ESRRG: variants seen among roughly 807,000 people sequenced by gnomAD.
ESRRG encodes estrogen-related receptor gamma.
In ESRRG, 13 loss-of-function variants were observed where a neutral mutation model predicts 44.0. The observed-to-expected ratio is 0.30, with a 90% CI of 0.19 to 0.47. The LOEUF (loss-of-function observed/expected upper bound fraction) is 0.47, where lower values mean the gene tolerates loss of function less well. Ranked by LOEUF, ESRRG falls within the 20% of genes least tolerant of loss-of-function variation. The pLI, the probability that ESRRG is intolerant of heterozygous loss-of-function variation, is 1.00. For synonymous variants in ESRRG, 215 were observed against 214.6 expected (o/e 1.00, Z -0.02); for missense variants, 395 against 580.6 (o/e 0.68, Z 3.29).
intron 2 of ESRRG, among the ~76,000 whole-genome samples, chr1:216,734,465 A>G (rs2089487829): frequency 6.6e-6 from 1 of 152,014 alleles, no homozygotes. Flanking sequence ...AGAAAGCTGG[A>G]TGTTTAAAAT....
chr1:216,790,010 C>T (rs753070810), intron 2 of ESRRG, among the ~76,000 whole-genome samples: 3 of 152,144 alleles, frequency 2.0e-5, no homozygotes, highest in Non-Finnish European at 2.9e-5. Flanking sequence ...TTCACTTACT[C>T]AACAGAAAAT....
intron 1 of ESRRG, among the ~76,000 whole-genome samples, chr1:216,961,886 C>T (rs189350565): frequency 2.8e-4 from 43 of 152,192 alleles, no homozygotes; most frequent in Non-Finnish European, 5.0e-4. Flanking sequence ...CACACATATA[C>T]GCACACAAAA....
chr1:216,808,976 G>A (rs1289221942), intron 2 of ESRRG, among the ~76,000 whole-genome samples: 1 of 152,036 alleles, frequency 6.6e-6, no homozygotes, highest in Non-Finnish European at 1.5e-5. Context: ...AGGAAAGAAA[G>A]GAGGGAGAGA....
intron 2 of ESRRG, among the ~76,000 whole-genome samples, chr1:216,867,283 AG>A (rs2096182310): frequency 1.3e-5 from 2 of 152,232 alleles, no homozygotes; most frequent in African/African-American, 4.8e-5. Flanking sequence ...ACTTATCAAA[AG>A]AATTCTCCTT....
intron 2 of ESRRG, among the ~76,000 whole-genome samples, chr1:216,935,620 ATT>A (rs368688184): frequency 6.8e-6 from 1 of 146,208 alleles, no homozygotes. Context: ...CAGTTTAGGA[ATT>A]TTTTTTTTTT....
chr1:217,057,408 A>G (rs774225707), intron 1 of ESRRG, among the ~76,000 whole-genome samples: 1 of 152,208 alleles, frequency 6.6e-6, no homozygotes, highest in Non-Finnish European at 1.5e-5. Flanking sequence ...TAATTACAAA[A>G]TAGAATAAGG....
chr1:216,656,735 T>G (rs995348517), intron 2 of ESRRG, among the ~76,000 whole-genome samples: 1 of 152,190 alleles, frequency 6.6e-6, no homozygotes, highest in African/African-American at 2.4e-5. Flanking sequence ...AATGATGCAT[T>G]TGGATTTATG....
intron 5 of ESRRG, among the ~76,000 whole-genome samples, chr1:216,551,792 T>G (rs934433428): frequency 2.6e-5 from 4 of 152,172 alleles, no homozygotes; most frequent in Non-Finnish European, 4.4e-5. Flanking sequence ...GACGGAGATT[T>G]ATTATTGGGT....
intron 1 of ESRRG, among the ~76,000 whole-genome samples, chr1:217,132,673 G>T (rs543756358): frequency 1.5e-4 from 23 of 152,106 alleles, no homozygotes; most frequent in African/African-American, 5.3e-4. Flanking sequence ...ATGGGCACAG[G>T]TACCCACTTC....
intron 3 of ESRRG, among the ~76,000 whole-genome samples, chr1:216,571,986 A>T (rs1384914995): frequency 8.5e-5 from 13 of 152,126 alleles, no homozygotes; most frequent in African/African-American, 2.9e-4. Flanking sequence ...AAGAACTGAT[A>T]CTCGTGATTT....
intron 2 of ESRRG, among the ~76,000 whole-genome samples, chr1:216,915,615 G>C (rs2061065554): frequency 6.6e-6 from 1 of 152,012 alleles, no homozygotes; most frequent in African/African-American, 2.4e-5. Context: ...CTGGAAATGA[G>C]TACTTGATTA....
intron 1 of ESRRG, among the ~76,000 whole-genome samples, chr1:216,970,721 T>C (rs1206740048): frequency 6.6e-6 from 1 of 152,230 alleles, no homozygotes; most frequent in African/African-American, 2.4e-5. Context: ...ACATTTTAGA[T>C]GAAGGACTAT....
At chr1:216,750,451 TA>T (rs1275708760) in intron 2 of ESRRG, among the ~76,000 whole-genome samples, 2 of 152,112 alleles carry the variant, frequency 1.3e-5, no homozygotes, top group African/African-American at 4.8e-5. Flanking sequence ...TGTGGTCTTT[TA>T]AAAAAATATC....
At chr1:216,963,258 A>C (rs2069501537) in intron 1 of ESRRG, among the ~76,000 whole-genome samples, 1 of 152,140 alleles carries the variant, frequency 6.6e-6, no homozygotes, top group Non-Finnish European at 1.5e-5. Flanking sequence ...GCAGTGGGAC[A>C]AGCATCCTGG....
intron 1 of ESRRG, among the ~76,000 whole-genome samples, chr1:217,040,612 A>T (rs559922545): frequency 1.3e-5 from 2 of 152,190 alleles, no homozygotes; most frequent in South Asian, 2.1e-4. Context: ...TTCTATTAAA[A>T]TTTTTTTCCT....
intron 2 of ESRRG, among the ~76,000 whole-genome samples, chr1:216,729,691 A>G (rs921361821): frequency 6.6e-6 from 1 of 152,136 alleles, no homozygotes; most frequent in Non-Finnish European, 1.5e-5. Flanking sequence ...TCAATTGTAC[A>G]TTGTTTACCA....
chr1:216,741,445 C>G (rs1286670085), intron 2 of ESRRG, among the ~76,000 whole-genome samples: 19 of 149,424 alleles, frequency 1.3e-4, no homozygotes, highest in South Asian at 6.3e-4. Flanking sequence ...TGCACACACC[C>G]CAAAATACCC....
intron 3 of ESRRG, among the ~76,000 whole-genome samples, chr1:216,650,192 A>G (rs1372496446): frequency 6.6e-6 from 1 of 152,234 alleles, no homozygotes; most frequent in African/African-American, 2.4e-5. Flanking sequence ...ATTCACATTT[A>G]CAAACACACA....
At chr1:216,622,057 T>C (rs1272248877) in intron 3 of ESRRG, among the ~76,000 whole-genome samples, 1 of 152,206 alleles carries the variant, frequency 6.6e-6, no homozygotes, top group Non-Finnish European at 1.5e-5. Flanking sequence ...ATAGTTGGCA[T>C]GGAATTCAAG....
Sources: allele counts gnomAD v4.1 joint callset (sites outside exome capture counted in the v4.1 genomes callset), GRCh38; gene constraint gnomAD v4.1.1; transcripts MANE v1.5; gene names NCBI Gene and HGNC (gene_info 2026-07-23, HGNC 2026-07-21).